SLC9A3: variants seen among roughly 807,000 people sequenced by gnomAD.
SLC9A3 encodes the protein sodium/hydrogen exchanger 3.
Under a neutral mutation model 86.8 loss-of-function variants are expected in SLC9A3, and 37 were observed. The ratio of observed to expected loss-of-function variants is 0.43; its 90% CI spans 0.33 to 0.56. The LOEUF (loss-of-function observed/expected upper bound fraction) is 0.56, where lower values mean the gene tolerates loss of function less well. SLC9A3 is among the 20% of genes least tolerant of loss of function. SLC9A3 has a pLI of 0.06. For synonymous variants in SLC9A3, 581 were observed against 528.3 expected, an observed-to-expected ratio of 1.10 and a Z score of -1.37; for missense variants, 1,011 against 1,171.9, an observed-to-expected ratio of 0.86 and a Z score of 2.00.
intron 5 of SLC9A3, 45 bp from the exon 6 acceptor site, chr5:483,527 G>T: frequency 7.2e-7 from 1 of 1,389,392 alleles, no homozygotes; most frequent in Non-Finnish European, 1.0e-6. Context: ...CTGGCCTGGC[G>T]CCCGAGGCCC....
intron 1 of SLC9A3, among the ~76,000 whole-genome samples, chr5:512,734 G>A (rs2126652365): frequency 6.6e-6 from 1 of 152,296 alleles, no homozygotes; most frequent in East Asian, 1.9e-4. Context: ...TCCTTTTGGG[G>A]TGAGCTGGAG....
At chr5:486,248 G>C (rs189849539) in intron 3 of SLC9A3, among the ~76,000 whole-genome samples, 1 of 152,166 alleles carries the variant, frequency 6.6e-6, no homozygotes, top group African/African-American at 2.4e-5. Context: ...GGGGCAGCAC[G>C]GGGCGGGGGC....
At chr5:504,119 AAAC>A (rs140937259) in intron 1 of SLC9A3, among the ~76,000 whole-genome samples, 3,570 of 152,330 alleles carry the variant, frequency 0.023, 143 homozygotes, top group African/African-American at 0.08. Context: ...ATCAACAACT[AAAC>A]AAGGGAAGGG....
Position 476,694 on chromosome 5 carries a change from G to C in SLC9A3, c.1761-22C>G, listed in dbSNP as rs1328124346. The C allele has an allele frequency of 3.1e-6, 5 of 1,599,772 alleles. No homozygotes were observed. In the South Asian group the frequency reaches 5.5e-5, roughly 18 times the overall value. Reference sequence around the variant, plus strand: ...TCTCCTGCGTGGGGACCAGCGCTGAGCCATACAGGCTCCCTCAGGGTGGGG... The same window carrying C: ...TCTCCTGCGTGGGGACCAGCGCTGACCCATACAGGCTCCCTCAGGGTGGGG... On this transcript the variant is annotated intron_variant, in intron 11 of 16. Coordinates refer to ENST00000264938, the MANE Select transcript of SLC9A3 (RefSeq NM_004174.4).
chr5:506,794 G>A (rs975132355), intron 1 of SLC9A3, among the ~76,000 whole-genome samples: 11 of 152,042 alleles, frequency 7.2e-5, no homozygotes, highest in Admixed American at 2.6e-4. Context: ...GGGGCCGGGC[G>A]CGGTGGCTCA....
chr5:489,541 C>T (rs574293934), intron 2 of SLC9A3, among the ~76,000 whole-genome samples: 1 of 152,190 alleles, frequency 6.6e-6, no homozygotes, highest in African/African-American at 2.4e-5. Context: ...GGTGACTAAA[C>T]CCCGAGTTTG....
rs371725135 is a variant in SLC9A3, at chr5:476,620, G to C, written c.1813C>G (p.Arg605Gly). Residue 605 changes from arginine (R) to glycine (G), a missense_variant, in exon 12 of 17, where the codon CGG becomes GGG. Physicochemically the swap from Arg to Gly is moderately radical, Grantham distance 125. Coordinates refer to ENST00000264938, the MANE Select transcript of SLC9A3 (RefSeq NM_004174.4). ...CLDMQSLEQR[R>G]RSIRDAEDMV... Reference sequence around the variant, plus strand: ...TCCTCCGCGTCCCGGATGCTCCGCCGTCGCTGCTCCAGAGACTGCATGTCC... The same window carrying C: ...TCCTCCGCGTCCCGGATGCTCCGCCCTCGCTGCTCCAGAGACTGCATGTCC... 8 of 1,609,506 alleles carry C rather than the reference G, an allele frequency of 5.0e-6. No individual in the cohort carries two copies. In the Admixed American group the frequency reaches 1.3e-4, roughly 27 times the overall value.
intron 1 of SLC9A3, among the ~76,000 whole-genome samples, chr5:522,860 T>C (rs2126663205): frequency 6.6e-6 from 1 of 151,076 alleles, no homozygotes; most frequent in East Asian, 1.9e-4. Flanking sequence ...CCAGGTTGAG[T>C]CTGGACCTCC....
At chr5:486,267 G>C (rs1739457177) in intron 3 of SLC9A3, among the ~76,000 whole-genome samples, 1 of 152,190 alleles carries the variant, frequency 6.6e-6, no homozygotes, top group Admixed American at 6.5e-5. Flanking sequence ...GCAGTGTGGG[G>C]GCTGGGATGG....
chr5:475,042 A>G lies in SLC9A3; in HGVS notation c.2342T>C (p.Val781Ala), dbSNP rs561447879. 56 of 1,612,248 alleles carry G rather than the reference A, an allele frequency of 3.5e-5. No individual in the cohort carries two copies. In the East Asian group the frequency reaches 1.1e-3, roughly 31 times the overall value. ...CGTGCGGGCCCTCTGCGAGGGGACC[A>G]CCGTCTCCCCGGGAGACAGCCAGGG... is the stretch of plus-strand genomic sequence containing the variant. Reference protein sequence around the residue: ...LPPWLSPGETVVPSQRARTQI... With the variant: ...LPPWLSPGETAVPSQRARTQI... The change falls in exon 16 of 17, where the codon GTG (valine) becomes GCG (alanine). Residue 781 changes from valine (V) to alanine (A), a missense_variant. This residue lies in a region of SLC9A3 where 397 missense variants were observed against 346.3 expected (regional missense o/e 1.15). Transcript: ENST00000264938.
chr5:513,509 C>T (rs1031573852), intron 1 of SLC9A3, among the ~76,000 whole-genome samples: 5 of 152,134 alleles, frequency 3.3e-5, no homozygotes, highest in Non-Finnish European at 7.4e-5. Context: ...GCCAGGTGCA[C>T]GAGTGATACC....
At chr5:484,898 C>T (rs927184007) in intron 4 of SLC9A3, among the ~76,000 whole-genome samples, 4 of 151,978 alleles carry the variant, frequency 2.6e-5, no homozygotes, top group African/African-American at 9.7e-5. Context: ...GGAGCCTGGC[C>T]CCAGGCCCTA....
rs928480565 is a variant in SLC9A3, at chr5:486,566, G to A, written c.676-1335C>T. Among the ~76,000 whole-genome samples the A allele has an allele frequency of 3.3e-5, 5 of 152,104 alleles. No individual in the cohort carries two copies. In the East Asian group the frequency reaches 9.6e-4, roughly 29 times the overall value. On this transcript the variant is annotated intron_variant, in intron 3 of 16. Coordinates refer to ENST00000264938, the MANE Select transcript of SLC9A3 (RefSeq NM_004174.4). Reference sequence around the variant, plus strand: ...CTCCAGGGACACCCACACACCGTCCGGGCTCTGCCGTTAGCACCAGTTCAG... The same window carrying A: ...CTCCAGGGACACCCACACACCGTCCAGGCTCTGCCGTTAGCACCAGTTCAG...
chr5:499,637 G>A (rs79598093), intron 1 of SLC9A3, among the ~76,000 whole-genome samples: 12 of 152,306 alleles, frequency 7.9e-5, no homozygotes, highest in East Asian at 7.7e-4. Context: ...TCCAGACACC[G>A]CCCAGTGCCT....
intron 3 of SLC9A3, among the ~76,000 whole-genome samples, chr5:486,472 T>C (rs144093817): frequency 6.6e-6 from 1 of 152,326 alleles, no homozygotes; most frequent in African/African-American, 2.4e-5. Flanking sequence ...TCTCCTGGCC[T>C]TACTGAGCGC....
At position 473,142 on chromosome 5, in the gene SLC9A3, TCCGGCCCCGCCC is replaced by T. The variant is rs991157185; in HGVS notation, c.*225_*236del. ...GTGCGCACTCGGCAGCCCTCGGCGC[TCCGGCCCCGCCC>T]CCGGCGCAGGCCCCGCCCCCGGCTC... On this transcript the variant is annotated 3_prime_UTR_variant, in exon 17 of 17. Transcript: ENST00000264938. 6.2e-6 allele frequency: 1 copy of T among 161,844 alleles called. No individual in the cohort carries two copies. The allele number at this position is 161,844 out of a possible 1,614,324, so 10.0% of individuals were successfully genotyped here. A position where few individuals can be genotyped will look rare whatever the true frequency, so the allele number is the denominator to read the frequency against.
chr5:499,379 G>A (rs971572522), intron 1 of SLC9A3, among the ~76,000 whole-genome samples: 1 of 152,200 alleles, frequency 6.6e-6, no homozygotes, highest in African/African-American at 2.4e-5. Flanking sequence ...GGCCTGACCC[G>A]GGCAGTGCTG....
Position 497,817 on chromosome 5 carries a change from C to T in SLC9A3, c.212-5746G>A, listed in dbSNP as rs1394949968. Among the ~76,000 whole-genome samples the T allele has an allele frequency of 2.1e-5, 1 of 48,684 alleles. No homozygotes were observed. The highest frequency in any genetic ancestry group is 1.3e-3 in the South Asian group (1 of 762). The allele number at this position is 48,684 out of a possible 152,430, so 31.9% of individuals were successfully genotyped here. On this transcript the variant is annotated intron_variant, in intron 1 of 16. Transcript: ENST00000264938. The surrounding 1 kb of genome is among the most constrained non-coding windows in gnomAD (Gnocchi z 5.4). Reference sequence around the variant, plus strand: ...TGCCCCTGTCCCGGGTGGGGTCGCCCGGCCGCATCCCCAGCCTCTGCCCCT... The same window carrying T: ...TGCCCCTGTCCCGGGTGGGGTCGCCTGGCCGCATCCCCAGCCTCTGCCCCT...
At chr5:518,012 T>A (rs1733785476) in intron 1 of SLC9A3, among the ~76,000 whole-genome samples, 1 of 152,092 alleles carries the variant, frequency 6.6e-6, no homozygotes, top group Non-Finnish European at 1.5e-5. Flanking sequence ...CATCCATCTA[T>A]CTATTCACTC....
Sources: allele counts gnomAD v4.1 joint callset (sites outside exome capture counted in the v4.1 genomes callset), GRCh38; gene constraint gnomAD v4.1.1; regional missense constraint gnomAD v4.1.1; non-coding constraint Gnocchi (gnomAD v3.1); transcripts MANE v1.5; gene names NCBI Gene and HGNC (gene_info 2026-07-23, HGNC 2026-07-21).